The following CCDC73 variants were observed in gnomAD, a reference collection of about 807,000 sequenced individuals.
CCDC73 encodes the protein coiled-coil domain-containing protein 73.
Under a neutral mutation model 116.5 loss-of-function variants are expected in CCDC73, and 95 were observed. The ratio of observed to expected loss-of-function variants is 0.82; its 90% CI spans 0.69 to 0.97. The LOEUF (loss-of-function observed/expected upper bound fraction) is 0.97, where lower values mean the gene tolerates loss of function less well. Ranked by LOEUF, CCDC73 falls within the 50% of genes least tolerant of loss-of-function variation. The probability of loss-of-function intolerance (pLI) is 0.00; values close to 1 mark genes in which losing one functional copy is unlikely to be tolerated. For missense variants in CCDC73, 1,066 were observed against 1,206.8 expected (o/e 0.88, Z 1.73); for synonymous variants, 398 against 401.3 (o/e 0.99, Z 0.10).
At chr11:32,603,059 T>C (rs1855297410) in intron 17 of CCDC73, 39 bp from the exon 18 acceptor site, 2 of 1,495,568 alleles carry the variant, frequency 1.3e-6, no homozygotes, top group African/African-American at 1.4e-5. Context: ...GAAATTATTA[T>C]ACAAAAGATT....
At chr11:32,808,553 C>T in the CCDC73 span, among the ~76,000 whole-genome samples, 10 of 152,072 alleles carry the variant, frequency 6.6e-5, no homozygotes, top group African/African-American at 2.2e-4. Flanking sequence ...GCAGGAGAAT[C>T]GCTCGAACCT....
intron 2 of CCDC73, among the ~76,000 whole-genome samples, chr11:32,732,109 T>A (rs9736074): frequency 6.6e-6 from 1 of 151,930 alleles, no homozygotes; most frequent in Non-Finnish European, 1.5e-5. Flanking sequence ...GCACAAGAAC[T>A]ATGTGAAAAA....
chr11:32,755,894 C>CATATATATCTATATCTATCTCCAT lies in CCDC73; in HGVS notation c.135+4214_135+4215insATGGAGATAGATATAGATATATAT, dbSNP rs1850336918. Among the ~76,000 whole-genome samples, 5 of 96,538 alleles carry CATATATATCTATATCTATCTCCAT rather than the reference C, an allele frequency of 5.2e-5. 1 individual carries two copies. In the Admixed American group the frequency reaches 6.7e-4, roughly 13 times the overall value. 63.3% of individuals were successfully genotyped at this position (96,538 alleles called of 152,430 possible). A position where few individuals can be genotyped will look rare whatever the true frequency, so the allele number is the denominator to read the frequency against. ...ATATATATATCTGTGTATATATCTC[C>CATATATATCTATATCTATCTCCAT]ATATATATCTATATATATCTCCATA... On this transcript the variant is annotated intron_variant, in intron 2 of 17. Coordinates refer to ENST00000335185, the MANE Select transcript of CCDC73 (RefSeq NM_001008391.4).
chr11:32,824,560 C>A, the CCDC73 span, among the ~76,000 whole-genome samples: 1 of 152,110 alleles, frequency 6.6e-6, no homozygotes, highest in African/African-American at 2.4e-5. Context: ...AGGACTAGAA[C>A]TTATTTATTG....
At chr11:32,705,497 C>T (rs1470723146) in intron 3 of CCDC73, among the ~76,000 whole-genome samples, 1 of 152,182 alleles carries the variant, frequency 6.6e-6, no homozygotes, top group Non-Finnish European at 1.5e-5. Context: ...GCATGCTTGG[C>T]TGTGTGCAGC....
At chr11:32,799,541 C>T (rs556439942), upstream of CCDC73, among the ~76,000 whole-genome samples, 43 of 152,172 alleles carry the variant, frequency 2.8e-4, no homozygotes, top group Non-Finnish European at 4.1e-4. Flanking sequence ...ATTATTTTTA[C>T]ACTTAACATA....
intron 1 of CCDC73, among the ~76,000 whole-genome samples, chr11:32,783,664 A>G (rs1330759600): frequency 6.6e-6 from 1 of 151,740 alleles, no homozygotes; most frequent in East Asian, 1.9e-4. Flanking sequence ...GGGTCTTTTC[A>G]TAAGGGTGCT....
chr11:32,796,690 G>A (rs1456169108), upstream of CCDC73, among the ~76,000 whole-genome samples: 1 of 152,232 alleles, frequency 6.6e-6, no homozygotes, highest in Non-Finnish European at 1.5e-5. Context: ...AGTCATGAGG[G>A]GAGAATAGGA....
chr11:32,611,150 G>T lies in CCDC73; in HGVS notation c.3012C>A (p.Ser1004=). ...GACTTACATGTTCTGTGGGAAAAGAGGAATCATAAAAAGTCTTTGCCATTG... is the reference window on the plus strand; with the variant it reads ...GACTTACATGTTCTGTGGGAAAAGATGAATCATAAAAAGTCTTTGCCATTG... The part of the protein sequence containing the change: ...KNAMAKTFYD[S]SFPTEHVKTK... The change falls in exon 17 of 18, where the codon TCC becomes TCA. Residue 1004 remains serine (S), a synonymous_variant. Transcript: ENST00000335185. 1.2e-6 allele frequency: 2 copies of T among 1,613,808 alleles called. No individual in the cohort carries two copies. The highest frequency in any genetic ancestry group is 1.7e-6 in the Non-Finnish European group (2 of 1,179,838).
chr11:32,699,710 T>C lies in CCDC73; in HGVS notation c.316-385A>G, dbSNP rs271026. ...ACCACTTGGACACAGAAGGGGAACA[T>C]CACACACCGGGGCCTGTTGTGGGGT... On this transcript the variant is annotated intron_variant, in intron 5 of 17. Coordinates refer to ENST00000335185, the MANE Select transcript of CCDC73 (RefSeq NM_001008391.4). Among the ~76,000 whole-genome samples, 1,118 of 152,014 alleles carry C rather than the reference T, an allele frequency of 7.4e-3. 18 individuals are homozygous for C. Among genetic ancestry groups the C allele is most frequent in the African/African-American group, 0.026 (1,064 of 41,478 alleles).
At chr11:32,605,850 C>T (rs1223352433) in intron 17 of CCDC73, 1 of 152,202 alleles carries the variant, frequency 6.6e-6, no homozygotes, top group Admixed American at 6.5e-5. Context: ...GTTCTTTCGT[C>T]TCCTATCCTT....
intron 2 of CCDC73, among the ~76,000 whole-genome samples, chr11:32,742,762 T>C (rs1436506244): frequency 6.6e-6 from 1 of 152,222 alleles, no homozygotes; most frequent in East Asian, 1.9e-4. Flanking sequence ...TTGCCCAGGT[T>C]TTCTTCCAGG....
chr11:32,685,906 G>A lies in CCDC73; in HGVS notation c.391-2332C>T, dbSNP rs186713982. On this transcript the variant is annotated intron_variant, in intron 6 of 17. Coordinates refer to ENST00000335185, the MANE Select transcript of CCDC73 (RefSeq NM_001008391.4). ...CTGGCTAATTTTTATATTTTTAGTA[G>A]AGACAGGGTTTCACCATGTTAGCCA... Among the ~76,000 whole-genome samples the A allele has an allele frequency of 7.9e-5, 12 of 151,788 alleles. No homozygotes were observed. In the East Asian group the frequency reaches 1.2e-3, roughly 15 times the overall value.
At chr11:32,722,671 T>C (rs372887881) in intron 2 of CCDC73, among the ~76,000 whole-genome samples, 3 of 152,314 alleles carry the variant, frequency 2.0e-5, no homozygotes, top group African/African-American at 7.2e-5. Flanking sequence ...AACATGCATC[T>C]CTTCTCAAAG....
chr11:32,704,238 G>A (rs1175105805), intron 3 of CCDC73, among the ~76,000 whole-genome samples: 3 of 152,214 alleles, frequency 2.0e-5, no homozygotes, highest in Admixed American at 6.5e-5. Context: ...GTGTGGTGGC[G>A]GGCAGGTAGG....
upstream of CCDC73, among the ~76,000 whole-genome samples, chr11:32,798,233 G>A (rs958043232): frequency 6.6e-6 from 1 of 152,250 alleles, no homozygotes; most frequent in Admixed American, 6.5e-5. Context: ...AAATATGACA[G>A]ATAAGGTGCA....
chr11:32,739,505 G>A (rs1411764801), intron 2 of CCDC73, among the ~76,000 whole-genome samples: 1 of 152,014 alleles, frequency 6.6e-6, no homozygotes, highest in Non-Finnish European at 1.5e-5. Context: ...ATTGCTTGCT[G>A]TTGGCATATG....
intron 1 of CCDC73, among the ~76,000 whole-genome samples, chr11:32,771,961 T>G (rs921468582): frequency 3.3e-5 from 5 of 152,174 alleles, no homozygotes; most frequent in Non-Finnish European, 7.3e-5. Context: ...AAGTTCAGAA[T>G]CAAAGACTAC....
intron 1 of CCDC73, among the ~76,000 whole-genome samples, chr11:32,764,021 A>G (rs1850417507): frequency 6.6e-6 from 1 of 152,260 alleles, no homozygotes; most frequent in African/African-American, 2.4e-5. Flanking sequence ...CAGTGATTGA[A>G]GATCAAATGA....
Sources: gnomAD v4.1 joint callset for allele counts (sites outside exome capture counted in the v4.1 genomes callset) on GRCh38, gnomAD v4.1.1 for gene constraint, MANE v1.5 for transcripts, NCBI Gene and HGNC (gene_info 2026-07-23, HGNC 2026-07-21) for gene names.